TMC7: variants seen among roughly 807,000 people sequenced by gnomAD.
TMC7 encodes transmembrane channel like 7, also known as transmembrane channel-like protein 7.
In TMC7, 54 loss-of-function variants were observed where a neutral mutation model predicts 82.9. That is an observed-to-expected ratio of 0.65 (90% CI 0.52 to 0.82). The LOEUF is 0.82. Among genes scored for constraint, TMC7 ranks in the 40% least tolerant of loss-of-function variants. The pLI, the probability that TMC7 is intolerant of heterozygous loss-of-function variation, is 0.00. For synonymous variants in TMC7, 350 were observed against 337.9 expected (o/e 1.04, Z -0.39); for missense variants, 820 against 901.2 (o/e 0.91, Z 1.15).
intron 7 of TMC7, among the ~76,000 whole-genome samples, chr16:19,036,764 G>A (rs1164528832): frequency 1.3e-5 from 2 of 151,528 alleles, no homozygotes; most frequent in Admixed American, 6.6e-5. Context: ...AGAGAAAGGA[G>A]TAAAGAATAG....
chr16:19,035,911 A>C (rs1407901207), intron 7 of TMC7, 88 bp downstream of exon 7: 1 of 1,457,716 alleles, frequency 6.9e-7, no homozygotes, highest in African/African-American at 1.4e-5. Context: ...CAGAGGATCA[A>C]GGGTCGGGGA....
chr16:19,010,022 C>T (rs908700009), intron 2 of TMC7, among the ~76,000 whole-genome samples: 2 of 139,796 alleles, frequency 1.4e-5, no homozygotes, highest in African/African-American at 2.6e-5. Context: ...TCCCTTCCTC[C>T]CTCCCTCCCT....
intron 6 of TMC7, 114 bp downstream of exon 6, chr16:19,030,483 T>A: frequency 7.9e-7 from 1 of 1,272,130 alleles, no homozygotes; most frequent in African/African-American, 1.5e-5. Context: ...AATGATGGGT[T>A]TTGTGGGGAA....
At chr16:19,038,896 A>T (rs983653860) in intron 8 of TMC7, among the ~76,000 whole-genome samples, 6 of 152,110 alleles carry the variant, frequency 3.9e-5, no homozygotes, top group Admixed American at 2.0e-4. Flanking sequence ...ATTCAAAACT[A>T]GGCTGGACTA....
chr16:19,050,264 G>A (rs960160176), intron 12 of TMC7, among the ~76,000 whole-genome samples: 28 of 148,332 alleles, frequency 1.9e-4, no homozygotes, highest in Admixed American at 1.9e-3. Context: ...CCAGCTACTC[G>A]GGAGGCTGAG....
intron 9 of TMC7, among the ~76,000 whole-genome samples, chr16:19,043,787 GT>G (rs1961131409): frequency 1.3e-5 from 2 of 151,998 alleles, no homozygotes; most frequent in African/African-American, 4.8e-5. Flanking sequence ...GGTCAGGCTG[GT>G]TTCGAACTTC....
At chr16:18,989,301 C>T (rs1192571817) in intron 1 of TMC7, among the ~76,000 whole-genome samples, 2 of 152,106 alleles carry the variant, frequency 1.3e-5, no homozygotes, top group African/African-American at 2.4e-5. Context: ...TCTCTGGTGA[C>T]CCACCCGTCT....
chr16:18,988,313 C>A lies in TMC7; in HGVS notation c.67+4183C>A, dbSNP rs1315381920. On this transcript the variant is annotated intron_variant, in intron 1 of 15. Coordinates refer to ENST00000304381, the MANE Select transcript of TMC7 (RefSeq NM_024847.4). ...GGGACTACAGGTGTGTGCCACCAGG[C>A]CTGGCTAATTTTTGTATTTTTGGTA... Among the ~76,000 whole-genome samples, 4 of 151,996 alleles carry A rather than the reference C, an allele frequency of 2.6e-5. 1 individual carries two copies. The South Asian group carries it at 6.2e-4, about 24-fold the overall frequency.
intron 1 of TMC7, among the ~76,000 whole-genome samples, chr16:19,002,111 G>T (rs1337494870): frequency 2.0e-5 from 3 of 152,126 alleles, no homozygotes; most frequent in African/African-American, 4.8e-5. Flanking sequence ...GTTCATGCCT[G>T]TTGGTAGGAT....
At chr16:19,023,734 A>C (rs541885880) in intron 5 of TMC7, among the ~76,000 whole-genome samples, 21 of 152,332 alleles carry the variant, frequency 1.4e-4, no homozygotes, top group African/African-American at 4.6e-4. Context: ...GGCGTGAGCC[A>C]CCATACCGGC....
intron 1 of TMC7, among the ~76,000 whole-genome samples, chr16:18,986,184 A>C (rs2038844691): frequency 6.6e-6 from 1 of 152,082 alleles, no homozygotes; most frequent in Non-Finnish European, 1.5e-5. Flanking sequence ...TCACGAGGTC[A>C]GGAAATCGAG....
chr16:19,002,561 A>G lies in TMC7; in HGVS notation c.68-6611A>G, dbSNP rs962754120. On this transcript the variant is annotated intron_variant, in intron 1 of 15. Transcript: ENST00000304381. Reference sequence around the variant, plus strand: ...CCGGATGGAGGGCCTTCTGTGAGCAAGACACCGCTTTTAAGCCTCAGAGAG... The same window carrying G: ...CCGGATGGAGGGCCTTCTGTGAGCAGGACACCGCTTTTAAGCCTCAGAGAG... Among the ~76,000 whole-genome samples the G allele has an allele frequency of 2.0e-5, 3 of 152,282 alleles. No individual in the cohort carries two copies. In the South Asian group the frequency reaches 6.2e-4, roughly 32 times the overall value.
At chr16:19,015,396 A>C (rs1280495829) in intron 2 of TMC7, among the ~76,000 whole-genome samples, 1 of 149,368 alleles carries the variant, frequency 6.7e-6, no homozygotes, top group Non-Finnish European at 1.5e-5. Flanking sequence ...CAAAGTTCAG[A>C]GATTACAGGC....
At chr16:19,029,773 C>T (rs528125837) in intron 5 of TMC7, among the ~76,000 whole-genome samples, 8 of 151,758 alleles carry the variant, frequency 5.3e-5, no homozygotes, top group East Asian at 3.9e-4. Flanking sequence ...CTCTGCCTCC[C>T]GGGTTCAAGT....
At chr16:19,006,983 G>GTT (rs532737190) in intron 1 of TMC7, among the ~76,000 whole-genome samples, 12 of 144,514 alleles carry the variant, frequency 8.3e-5, no homozygotes, top group Admixed American at 3.5e-4. Flanking sequence ...CGTGCAGCTA[G>GTT]TTTTTTTTTT....
At chr16:19,032,279 C>T (rs776899887) in intron 6 of TMC7, among the ~76,000 whole-genome samples, 5 of 152,166 alleles carry the variant, frequency 3.3e-5, no homozygotes, top group South Asian at 2.1e-4. Context: ...ACCCCAATGC[C>T]CAGCTGGGCA....
intron 1 of TMC7, 137 bp downstream of exon 1, chr16:18,984,267 C>T: frequency 7.5e-7 from 1 of 1,338,294 alleles, no homozygotes; most frequent in South Asian, 1.9e-5. Flanking sequence ...CTCTGGGGAA[C>T]AGCAGGTGGG....
chr16:18,999,865 G>A (rs1488490266), intron 1 of TMC7, among the ~76,000 whole-genome samples: 4 of 152,006 alleles, frequency 2.6e-5, no homozygotes, highest in Admixed American at 6.6e-5. Flanking sequence ...CCGAGTTCAC[G>A]CCATTCTCCT....
chr16:19,032,547 T>TAAAA (rs199666328), intron 6 of TMC7, among the ~76,000 whole-genome samples: 1 of 132,558 alleles, frequency 7.5e-6, no homozygotes, highest in African/African-American at 2.8e-5. Flanking sequence ...TTGTAAATGA[T>TAAAA]AAAAAAAAAA....
Sources: allele counts gnomAD v4.1 joint callset (sites outside exome capture counted in the v4.1 genomes callset), GRCh38; gene constraint gnomAD v4.1.1; transcripts MANE v1.5; gene names NCBI Gene and HGNC (gene_info 2026-07-23, HGNC 2026-07-21).